Variants in CYP39A1 observed in about 807,000 individuals in gnomAD.
CYP39A1 encodes 24-hydroxycholesterol 7-alpha-hydroxylase.
A neutral mutation model predicts 58.1 loss-of-function variants in CYP39A1; 49 were observed. The ratio of observed to expected loss-of-function variants is 0.84; its 90% CI spans 0.67 to 1.07. The LOEUF is 1.07. CYP39A1 is among the 50% of genes least tolerant of loss of function. The pLI is 0.00. For synonymous variants in CYP39A1, 209 were observed against 187.6 expected, an observed-to-expected ratio of 1.11 and a Z score of -0.93; for missense variants, 531 against 539.4, an observed-to-expected ratio of 0.98 and a Z score of 0.16.
At chr6:46,646,702 T>G (rs12215229) in intron 1 of CYP39A1, among the ~76,000 whole-genome samples, 20,904 of 152,078 alleles carry the variant, frequency 0.14, 1,512 homozygotes, top group South Asian at 0.22. Flanking sequence ...GAATTCTTTT[T>G]GGGAGGTTAT....
At chr6:46,602,402 T>C (rs1218983142) in intron 7 of CYP39A1, among the ~76,000 whole-genome samples, 6 of 152,090 alleles carry the variant, frequency 3.9e-5, no homozygotes, top group Non-Finnish European at 7.4e-5. Flanking sequence ...AAAACACAGA[T>C]TGCAGGGATC....
At chr6:46,611,749 T>C (rs1024113445) in intron 7 of CYP39A1, among the ~76,000 whole-genome samples, 1 of 152,146 alleles carries the variant, frequency 6.6e-6, no homozygotes, top group Admixed American at 6.5e-5. Context: ...CTAAAGAAGA[T>C]AACAGTGGGT....
chr6:46,642,063 C>A, intron 2 of CYP39A1, 100 bp downstream of exon 2: 6 of 1,244,896 alleles, frequency 4.8e-6, no homozygotes, highest in Non-Finnish European at 7.0e-6. Context: ...AATGGACCCT[C>A]ATCATTCTTG....
chr6:46,591,369 C>T (rs1054268964), intron 8 of CYP39A1, among the ~76,000 whole-genome samples: 3 of 151,964 alleles, frequency 2.0e-5, no homozygotes, highest in African/African-American at 7.2e-5. Flanking sequence ...ATTATATTCA[C>T]ATTTGAGTTA....
At chr6:46,608,266 G>T (rs1365536776) in intron 7 of CYP39A1, among the ~76,000 whole-genome samples, 2 of 152,132 alleles carry the variant, frequency 1.3e-5, no homozygotes, top group African/African-American at 4.8e-5. Context: ...AACAATTCCT[G>T]TGAGAAAATA....
At chr6:46,645,899 C>A (rs1762292937) in intron 1 of CYP39A1, among the ~76,000 whole-genome samples, 1 of 151,918 alleles carries the variant, frequency 6.6e-6, no homozygotes, top group Admixed American at 6.5e-5. Flanking sequence ...CTAAATATTT[C>A]TTGAGTTATT....
intron 7 of CYP39A1, among the ~76,000 whole-genome samples, chr6:46,618,998 C>T (rs1033880248): frequency 2.6e-5 from 4 of 152,110 alleles, no homozygotes; most frequent in African/African-American, 4.8e-5. Context: ...CTAGAAACCA[C>T]TCTACAGTTT....
chr6:46,556,067 A>C (rs558696082), intron 10 of CYP39A1, among the ~76,000 whole-genome samples: 4 of 152,346 alleles, frequency 2.6e-5, no homozygotes, highest in African/African-American at 4.8e-5. Context: ...CTCACAACTA[A>C]GGTTTTGTCA....
intron 10 of CYP39A1, among the ~76,000 whole-genome samples, chr6:46,568,139 C>T (rs1430624653): frequency 6.6e-6 from 1 of 152,012 alleles, no homozygotes; most frequent in African/African-American, 2.4e-5. Flanking sequence ...TTTTGATTTG[C>T]ATTTCCCTAA....
Position 46,634,524 on chromosome 6 carries a change from C to CT in CYP39A1, c.732+1864dup, listed in dbSNP as rs55887439. On this transcript the variant is annotated intron_variant, in intron 5 of 11. Transcript: ENST00000275016. ...GAATTTTACTTTTTTTTTCTTTTTG[C>CT]TTTTTTTTTTTTTTTGAGATGGAGT... Among the ~76,000 whole-genome samples, 220 of 131,260 alleles carry CT rather than the reference C, an allele frequency of 1.7e-3. 1 individual carries two copies. The highest frequency in any genetic ancestry group is 3.9e-3 in the Middle Eastern group (1 of 256). 86.1% of individuals were successfully genotyped at this position (131,260 alleles called of 152,430 possible).
In CYP39A1 at chr6:46,592,137, G is replaced by A. The variant is rs965703904; in HGVS notation, c.1065+3850C>T. On this transcript the variant is annotated intron_variant, in intron 8 of 11. Coordinates refer to ENST00000275016, the MANE Select transcript of CYP39A1 (RefSeq NM_016593.5). The stretch of plus-strand genomic sequence containing the variant: ...GAAAGAAAGAATGCAGTAAATCCAA[G>A]AAAGTAGAGAGTGTTCGTCCATTTC... 3.9e-5 allele frequency among the ~76,000 whole-genome samples: 6 copies of A among 152,156 alleles called. No individual in the cohort carries two copies. In the East Asian group the frequency reaches 1.2e-3, roughly 29 times the overall value.
At chr6:46,572,381 G>A (rs911253615) in intron 10 of CYP39A1, among the ~76,000 whole-genome samples, 1 of 152,098 alleles carries the variant, frequency 6.6e-6, no homozygotes, top group Non-Finnish European at 1.5e-5. Flanking sequence ...CTTCAGCTCT[G>A]TTTGTCTGGA....
chr6:46,588,133 T>C lies in CYP39A1; in HGVS notation c.1066-4A>G. On this transcript the variant is annotated splice_region_variant and splice_polypyrimidine_tract_variant and intron_variant, in intron 8 of 11. Transcript: ENST00000275016. ...CACCAGAAGGAATGATGTAATTCTA[T>C]AACAGAAAAATCAGCTGCAAATCAT... The C allele has an allele frequency of 3.8e-6, 6 of 1,558,580 alleles. No individual in the cohort carries two copies. Among genetic ancestry groups the C allele is most frequent in the Non-Finnish European group, 5.2e-6 (6 of 1,148,424 alleles).
intron 6 of CYP39A1, among the ~76,000 whole-genome samples, chr6:46,627,468 G>C (rs912157491): frequency 1.3e-5 from 2 of 151,264 alleles, no homozygotes; most frequent in African/African-American, 4.9e-5. Context: ...GCCTAGGCTG[G>C]AGTGCAGTGG....
intron 10 of CYP39A1, among the ~76,000 whole-genome samples, chr6:46,571,778 TTC>T (rs1351640797): frequency 3.9e-5 from 6 of 152,100 alleles, no homozygotes; most frequent in African/African-American, 1.4e-4. Context: ...TGTAAAAATT[TTC>T]TGTTTTGTAG....
intron 1 of CYP39A1, among the ~76,000 whole-genome samples, chr6:46,644,890 T>C (rs917226910): frequency 3.3e-5 from 5 of 152,210 alleles, no homozygotes; most frequent in Middle Eastern, 3.2e-3. Context: ...CTAATGACTA[T>C]TGATGTTGAA....
chr6:46,651,971 C>G (rs1010410014), intron 1 of CYP39A1, among the ~76,000 whole-genome samples: 1 of 152,104 alleles, frequency 6.6e-6, no homozygotes, highest in Non-Finnish European at 1.5e-5. Flanking sequence ...AAATACAGAG[C>G]CTGTTTATTG....
intron 8 of CYP39A1, among the ~76,000 whole-genome samples, chr6:46,588,728 T>C (rs1772631415): frequency 6.6e-6 from 1 of 152,124 alleles, no homozygotes; most frequent in Non-Finnish European, 1.5e-5. Flanking sequence ...GAAAAACGAC[T>C]GGTTAGGAAG....
intron 10 of CYP39A1, chr6:46,583,134 A>G: frequency 1.0e-6 from 1 of 985,378 alleles, no homozygotes; most frequent in South Asian, 4.7e-5. Context: ...ATTCCTGAGG[A>G]ATCCATGCTT....
Sources: allele counts gnomAD v4.1 joint callset (sites outside exome capture counted in the v4.1 genomes callset), GRCh38; gene constraint gnomAD v4.1.1; transcripts MANE v1.5; gene names NCBI Gene and HGNC (gene_info 2026-07-23, HGNC 2026-07-21).